ZMAT4: variants seen among roughly 807,000 people sequenced by gnomAD.
ZMAT4 encodes the protein zinc finger matrin-type 4, also known as zinc finger matrin-type protein 4.
In ZMAT4, 17 loss-of-function variants were observed where a neutral mutation model predicts 28.7. The ratio of observed to expected loss-of-function variants is 0.59; its 90% CI spans 0.41 to 0.89. The LOEUF (loss-of-function observed/expected upper bound fraction) is 0.89, where lower values mean the gene tolerates loss of function less well. Ranked by LOEUF, ZMAT4 falls within the 40% of genes least tolerant of loss-of-function variation. The pLI is 0.00. For synonymous variants in ZMAT4, 117 were observed against 109.2 expected (o/e 1.07, Z -0.44); for missense variants, 240 against 283.8 (o/e 0.85, Z 1.11).
chr8:40,800,111 A>G (rs950282918), intron 2 of ZMAT4, among the ~76,000 whole-genome samples: 5 of 152,246 alleles, frequency 3.3e-5, no homozygotes, highest in African/African-American at 1.2e-4. Context: ...TGAGTCAACG[A>G]TGGACCACAC....
chr8:40,645,937 A>G (rs1405509456), intron 5 of ZMAT4, among the ~76,000 whole-genome samples: 2 of 152,132 alleles, frequency 1.3e-5, no homozygotes, highest in Non-Finnish European at 2.9e-5. Flanking sequence ...ACACTTATTT[A>G]CCACTAGAAT....
intron 1 of ZMAT4, among the ~76,000 whole-genome samples, chr8:40,892,516 G>A (rs960622733): frequency 2.0e-5 from 3 of 152,224 alleles, no homozygotes; most frequent in African/African-American, 7.2e-5. Context: ...TTAACCACAG[G>A]TGTTCCTGTC....
intron 5 of ZMAT4, among the ~76,000 whole-genome samples, chr8:40,647,601 GT>G (rs1807396220): frequency 6.6e-6 from 1 of 152,206 alleles, no homozygotes; most frequent in African/African-American, 2.4e-5. Context: ...GCCTGTCTCT[GT>G]AGGCTCCACC....
intron 3 of ZMAT4, among the ~76,000 whole-genome samples, chr8:40,716,818 A>G (rs1264496244): frequency 6.6e-6 from 1 of 152,206 alleles, no homozygotes; most frequent in African/African-American, 2.4e-5. Context: ...TCCTTGAGAT[A>G]TCAACAAAGA....
At chr8:40,897,326 CA>C (rs1818911206) in intron 1 of ZMAT4, among the ~76,000 whole-genome samples, 1 of 152,242 alleles carries the variant, frequency 6.6e-6, no homozygotes, top group Middle Eastern at 3.4e-3. Flanking sequence ...CTCTCGGAAC[CA>C]GCCTATCCAT....
At chr8:40,770,068 T>A (rs4282554) in intron 2 of ZMAT4, among the ~76,000 whole-genome samples, 11 of 151,998 alleles carry the variant, frequency 7.2e-5, no homozygotes, top group African/African-American at 1.5e-4. Context: ...TGGCTACACC[T>A]CAGGCAGTGC....
chr8:40,711,280 A>G (rs1288900076), intron 3 of ZMAT4, among the ~76,000 whole-genome samples: 1 of 152,186 alleles, frequency 6.6e-6, no homozygotes, highest in Non-Finnish European at 1.5e-5. Flanking sequence ...CTTGTTATAA[A>G]ATTATTCCAA....
At chr8:40,613,425 C>T (rs983029963) in intron 5 of ZMAT4, among the ~76,000 whole-genome samples, 2 of 152,054 alleles carry the variant, frequency 1.3e-5, no homozygotes, top group African/African-American at 4.8e-5. Context: ...TTCAAGTGAT[C>T]TGCCCATCTC....
chr8:40,641,947 T>C (rs1807051711), intron 5 of ZMAT4, among the ~76,000 whole-genome samples: 1 of 152,024 alleles, frequency 6.6e-6, no homozygotes, highest in South Asian at 2.1e-4. Context: ...AATAATAAAA[T>C]AAATAAAAAT....
At chr8:40,683,307 C>A (rs1456983879) in intron 4 of ZMAT4, among the ~76,000 whole-genome samples, 1 of 152,158 alleles carries the variant, frequency 6.6e-6, no homozygotes, top group Non-Finnish European at 1.5e-5. Context: ...CTGTAGTATA[C>A]TCATGGTATT....
At chr8:40,718,033 C>T (rs890672048) in intron 3 of ZMAT4, among the ~76,000 whole-genome samples, 2 of 152,202 alleles carry the variant, frequency 1.3e-5, no homozygotes, top group Non-Finnish European at 2.9e-5. Context: ...AGTTTTTCCA[C>T]TCATGTTCTT....
chr8:40,734,712 A>G lies in ZMAT4; in HGVS notation c.192+32929T>C, dbSNP rs1246843231. The stretch of plus-strand genomic sequence containing the variant: ...AAAGGGAAAGTAGGAGTCACCTTAC[A>G]TTTAACAGCAACTATTCCAGAACAC... On this transcript the variant is annotated intron_variant, in intron 3 of 6. Transcript: ENST00000297737. Among the ~76,000 whole-genome samples, 3 of 152,230 alleles carry G rather than the reference A, an allele frequency of 2.0e-5. No individual in the cohort carries two copies. In the East Asian group the frequency reaches 5.8e-4, roughly 29 times the overall value.
intron 6 of ZMAT4, among the ~76,000 whole-genome samples, chr8:40,575,153 A>G (rs562922012): frequency 2.3e-4 from 35 of 152,138 alleles, no homozygotes; most frequent in African/African-American, 7.7e-4. Context: ...AGAGCAGGGA[A>G]GTCAACCCCA....
chr8:40,602,536 A>AT (rs903525149), intron 5 of ZMAT4, among the ~76,000 whole-genome samples: 30 of 151,876 alleles, frequency 2.0e-4, no homozygotes, highest in Admixed American at 3.9e-4. Flanking sequence ...CAATCACTAT[A>AT]TTTTTTTTAT....
At chr8:40,828,048 C>T (rs994185951) in intron 1 of ZMAT4, among the ~76,000 whole-genome samples, 1 of 152,168 alleles carries the variant, frequency 6.6e-6, no homozygotes, top group African/African-American at 2.4e-5. Flanking sequence ...TATAGTCCAT[C>T]TTCAAAAGCA....
intron 3 of ZMAT4, among the ~76,000 whole-genome samples, chr8:40,765,796 T>C (rs1033893855): frequency 2.6e-5 from 4 of 152,192 alleles, no homozygotes; most frequent in African/African-American, 7.2e-5. Context: ...TTTAAGCTAA[T>C]TGTCAAGTGG....
At chr8:40,835,437 CA>C (rs1245886540) in intron 1 of ZMAT4, among the ~76,000 whole-genome samples, 1 of 152,252 alleles carries the variant, frequency 6.6e-6, no homozygotes, top group East Asian at 1.9e-4. Flanking sequence ...TGGGTCCCCC[CA>C]CTTTGCTATG....
intron 3 of ZMAT4, among the ~76,000 whole-genome samples, chr8:40,718,660 T>C (rs7822571): frequency 0.57 from 86,380 of 151,992 alleles, 24,757 homozygotes; most frequent in East Asian, 0.66. Context: ...CTCCTTCTTC[T>C]TTCCCTCATC....
chr8:40,588,632 T>C (rs995749227), intron 5 of ZMAT4, among the ~76,000 whole-genome samples: 4 of 152,060 alleles, frequency 2.6e-5, no homozygotes, highest in African/African-American at 7.2e-5. Flanking sequence ...CAGATGTAAA[T>C]GACCATATGG....
Sources: gnomAD v4.1 joint callset for allele counts (sites outside exome capture counted in the v4.1 genomes callset) on GRCh38, gnomAD v4.1.1 for gene constraint, MANE v1.5 for transcripts, NCBI Gene and HGNC (gene_info 2026-07-23, HGNC 2026-07-21) for gene names.